Variants in MLX observed in about 807,000 individuals in gnomAD.
MLX encodes MAX dimerization protein MLX.
MLX carries 15 observed loss-of-function variants against 33.0 expected under a neutral mutation model. The ratio of observed to expected loss-of-function variants is 0.45; its 90% confidence interval spans 0.30 to 0.70. The LOEUF (loss-of-function observed/expected upper bound fraction) is 0.70. MLX is among the 30% of genes least tolerant of loss of function. MLX has a pLI of 0.07. For missense variants in MLX, 285 were observed against 306.3 expected (o/e 0.93, Z 0.52); for synonymous variants, 115 against 115.6 (o/e 0.99, Z 0.03).
rs1404959571 is a variant in MLX at position 42,573,188 on chromosome 17, C to A, written c.*1585C>A. ...TAGCCTGACAAGAAATAAAACCACC[C>A]GTTTTCAGATGGGCAGCACTGGGCA... On this transcript the variant is annotated 3_prime_UTR_variant, in exon 8 of 8. Transcript: ENST00000435881. 4 of 1,614,042 alleles carry A rather than the reference C, an allele frequency of 2.5e-6. No individual in the cohort carries two copies. Among genetic ancestry groups the A allele is most frequent in the Non-Finnish European group, 3.4e-6 (4 of 1,180,036 alleles).
chr17:42,569,590 C>CT lies in MLX; in HGVS notation c.461dup (p.Ile156AspfsTer7). 1 of 1,613,914 alleles carries CT rather than the reference C, an allele frequency of 6.2e-7. No homozygotes were observed. Among genetic ancestry groups the CT allele is most frequent in the Non-Finnish European group, 8.5e-7 (1 of 1,179,888 alleles). Reference sequence around the variant, plus strand: ...CACGTTACGCAAGGATGTCACCGCCCTAAAGATCATGAAAGTGTAAGAGGG... The same window carrying CT: ...CACGTTACGCAAGGATGTCACCGCCCTTAAAGATCATGAAAGTGTAAGAGGG... On this transcript the variant is annotated frameshift_variant, in exon 6 of 8. Transcript: ENST00000435881. LOFTEE classifies it high-confidence loss of function.
chr17:42,571,138 CT>C (rs928314305), intron 7 of MLX, among the ~76,000 whole-genome samples: 278 of 130,374 alleles, frequency 2.1e-3, no homozygotes, highest in Middle Eastern at 4.1e-3. Context: ...TTCCTGGGGG[CT>C]TTTTTTTTTT....
chr17:42,568,604 C>T, intron 3 of MLX, 45 bp downstream of exon 3: 1 of 1,545,970 alleles, frequency 6.5e-7, no homozygotes. Context: ...TCAGATATGT[C>T]ATAATTGTAG....
In MLX at chr17:42,571,699, C is replaced by T; in HGVS notation, c.*96C>T. ...GGCCCGGGAGACTGGACTACAACAC[C>T]TCACACTGGTCAGCTGGTTTCTACT... On this transcript the variant is annotated 3_prime_UTR_variant, in exon 8 of 8. Coordinates refer to ENST00000435881, the MANE Select transcript of MLX (RefSeq NM_198204.2). 1 of 1,136,568 alleles carries T rather than the reference C, an allele frequency of 8.8e-7. No individual in the cohort carries two copies. The allele number at this position is 1,136,568 out of a possible 1,614,324, so 70.4% of individuals were successfully genotyped here.
At chr17:42,569,673 T>C in intron 6 of MLX, 67 bp downstream of exon 6, 1 of 1,235,988 alleles carries the variant, frequency 8.1e-7, no homozygotes. Context: ...CCCTCCCTTG[T>C]TCAAAGGCCA....
chr17:42,567,519 T>C, intron 1 of MLX, 100 bp from the exon 2 acceptor site: 3 of 1,586,416 alleles, frequency 1.9e-6, no homozygotes, highest in Non-Finnish European at 2.6e-6. Flanking sequence ...CAGAGGCGCC[T>C]TCCCGGAATG....
Position 42,568,467 on chromosome 17 carries a change from C to T in MLX, c.80-3C>T, listed in dbSNP as rs528798507. ...CTTAGTGATTGGGGCCTCTCTTTTC[C>T]AGGGCTTTTTGTAGAAAGCACCCGC... On this transcript the variant is annotated splice_polypyrimidine_tract_variant and splice_region_variant and intron_variant, in intron 2 of 7. Coordinates refer to ENST00000435881, the MANE Select transcript of MLX (RefSeq NM_198204.2). The T allele has an allele frequency of 1.9e-6, 3 of 1,613,310 alleles. No homozygotes were observed. Among genetic ancestry groups the T allele is most frequent in the East Asian group, 2.2e-5 (1 of 44,850 alleles).
Position 42,568,567 on chromosome 17 carries a change from G to A in MLX, c.169+8G>A. On this transcript the variant is annotated splice_region_variant and intron_variant, in intron 3 of 7. Transcript: ENST00000435881. ...CTTCTGTCCCCAACACAGGTAGGCA[G>A]TAACATCCCCCCCGACCTCGGGGGG... 1.2e-6 allele frequency: 2 copies of A among 1,611,228 alleles called. No individual in the cohort carries two copies. The highest frequency in any genetic ancestry group is 2.2e-5 in the East Asian group (1 of 44,848).
At chr17:42,569,767 GCAGA>G in intron 6 of MLX, 161 bp downstream of exon 6, 1 of 724,416 alleles carries the variant, frequency 1.4e-6, no homozygotes, top group Non-Finnish European at 2.4e-6. Context: ...CTTACACATG[GCAGA>G]CACTCAGGAA....
At chr17:42,569,344 G>A (rs990142737) in intron 5 of MLX, 41 bp downstream of exon 5, 1 of 1,589,956 alleles carries the variant, frequency 6.3e-7, no homozygotes, top group Non-Finnish European at 8.6e-7. Flanking sequence ...GAGCCAAGCG[G>A]GGCTGTGAAG....
rs1417923315 is a variant in MLX at position 42,569,278 on chromosome 17, C to T, written c.351C>T (p.Leu117=). 11 of 1,614,012 alleles carry T rather than the reference C, an allele frequency of 6.8e-6. No individual in the cohort carries two copies. The highest frequency in any genetic ancestry group is 9.3e-6 in the Non-Finnish European group (11 of 1,179,998). ...ACTTCTCCATTGGCTCCCAAAAGCT[C>T]AGCAAAGCCATCGTTCTACAAAAGA... ...QQDFSIGSQK[L]SKAIVLQKTI... Residue 117 remains leucine, a synonymous_variant, in exon 5 of 8, where the codon CTC becomes CTT. Coordinates refer to ENST00000435881, the MANE Select transcript of MLX (RefSeq NM_198204.2).
At chr17:42,568,187 C>G (rs1046512820) in intron 2 of MLX, 1 of 213,166 alleles carries the variant, frequency 4.7e-6, no homozygotes, top group Non-Finnish European at 9.6e-6. Flanking sequence ...CGGTGAAACC[C>G]CGTCTCCACT....
intron 5 of MLX, 65 bp downstream of exon 5, chr17:42,569,368 C>T (rs2093021741): frequency 2.6e-6 from 4 of 1,548,236 alleles, no homozygotes; most frequent in Admixed American, 3.3e-5. Context: ...CCAGTGCCTC[C>T]TACCCACCCA....
intron 1 of MLX, chr17:42,567,387 G>T: frequency 7.1e-7 from 1 of 1,412,954 alleles, no homozygotes. Context: ...CTGGGGTGGA[G>T]TAGGGGCGGA....
Position 42,571,899 on chromosome 17 carries a change from C to T in MLX, c.*296C>T, listed in dbSNP as rs190928179. 131 of 417,464 alleles carry T rather than the reference C, an allele frequency of 3.1e-4. 2 individuals are homozygous for T. Among genetic ancestry groups the T allele is most frequent in the Admixed American group, 1.9e-3 (48 of 25,460 alleles). 25.9% of individuals were successfully genotyped at this position (417,464 alleles called of 1,614,324 possible). ...TCTGCTCTGGACACCCCAAAGAGCTCCTGCCCTCTCAGCCCTTTATTCAAG... is the reference window on the plus strand; with the variant it reads ...TCTGCTCTGGACACCCCAAAGAGCTTCTGCCCTCTCAGCCCTTTATTCAAG... On this transcript the variant is annotated 3_prime_UTR_variant, in exon 8 of 8. Transcript: ENST00000435881.
Position 42,570,187 on chromosome 17 carries a change from T to C in MLX, c.678+4T>C. 6.2e-7 allele frequency: 1 copy of C among 1,613,398 alleles called. No homozygotes were observed. Among genetic ancestry groups the C allele is most frequent in the East Asian group, 2.2e-5 (1 of 44,888 alleles). ...CGAGGAGCACTGTAAGCCTCAGGTA[T>C]GGGGCAACAATAGGCACAGGGTCTG... On this transcript the variant is annotated splice_donor_region_variant and intron_variant, in intron 7 of 7. Transcript: ENST00000435881.
chr17:42,569,394 G>C (rs2093021806), intron 5 of MLX, 91 bp downstream of exon 5: 1 of 1,509,656 alleles, frequency 6.6e-7, no homozygotes, highest in Non-Finnish European at 9.2e-7. Flanking sequence ...CGGCCTTGGT[G>C]TGGTGATTGC....
intron 4 of MLX, 109 bp downstream of exon 4, chr17:42,569,052 G>A: frequency 7.7e-7 from 1 of 1,296,204 alleles, no homozygotes; most frequent in Non-Finnish European, 1.1e-6. Context: ...GGGGTGGGCA[G>A]GTAGTATAGT....
intron 7 of MLX, 40 bp from the exon 8 acceptor site, chr17:42,571,507 C>T: frequency 1.9e-6 from 3 of 1,605,970 alleles, no homozygotes; most frequent in Non-Finnish European, 2.6e-6. Flanking sequence ...TCTGCGTTGA[C>T]TTGGGCATTG....
Sources: allele counts gnomAD v4.1 joint callset (sites outside exome capture counted in the v4.1 genomes callset), GRCh38; gene constraint gnomAD v4.1.1; transcripts MANE v1.5; gene names NCBI Gene and HGNC (gene_info 2026-07-23, HGNC 2026-07-21).